The following CILK1 variants were observed in gnomAD, a reference collection of about 807,000 sequenced individuals.
The protein encoded by CILK1 is ciliogenesis associated kinase 1.
In CILK1, 47 loss-of-function variants were observed where a neutral mutation model predicts 79.2. That is an observed-to-expected ratio of 0.59 (90% CI 0.47 to 0.76). CILK1 has a LOEUF of 0.76. Ranked by LOEUF, CILK1 falls within the 30% of genes least tolerant of loss-of-function variation. CILK1 has a pLI of 0.00. For synonymous variants in CILK1, 266 were observed against 275.9 expected (o/e 0.96, Z 0.36); for missense variants, 660 against 769.5 (o/e 0.86, Z 1.68).
chr6:53,026,350 T>C (rs997591168), intron 5 of CILK1, among the ~76,000 whole-genome samples: 2 of 152,092 alleles, frequency 1.3e-5, no homozygotes, highest in East Asian at 3.9e-4. Flanking sequence ...GGTTTCGCCA[T>C]GTTGGTCAGG....
intron 8 of CILK1, 70 bp from the exon 9 acceptor site, chr6:53,014,052 CTA>C (rs2127411982): frequency 8.2e-7 from 1 of 1,222,968 alleles, no homozygotes; most frequent in East Asian, 2.4e-5. Context: ...GATTACTGGG[CTA>C]TATTTCATTG....
Position 53,019,405 on chromosome 6 carries a change from C to CCAAATGCAAA in CILK1, c.359-47_359-46insTTTGCATTTG, listed in dbSNP as rs781292103. On this transcript the variant is annotated intron_variant, in intron 5 of 13. Transcript: ENST00000676107. The stretch of plus-strand genomic sequence containing the variant: ...AAGAAATCCAAATGCAAGTTTGCTT[C>CCAAATGCAAA]GTATTATTCTTTGCAATTGTATTGC... The CCAAATGCAAA allele has an allele frequency of 1.9e-6, 3 of 1,607,918 alleles. No homozygotes were observed. In the African/African-American group the frequency reaches 4.0e-5, roughly 21 times the overall value.
intron 5 of CILK1, among the ~76,000 whole-genome samples, chr6:53,026,913 T>C (rs1348863586): frequency 6.6e-6 from 1 of 152,150 alleles, no homozygotes; most frequent in Non-Finnish European, 1.5e-5. Context: ...TGGCAGAAAA[T>C]GTGTGTGCTT....
chr6:53,029,112 G>T (rs1765762783), intron 5 of CILK1, among the ~76,000 whole-genome samples: 1 of 152,156 alleles, frequency 6.6e-6, no homozygotes, highest in Non-Finnish European at 1.5e-5. Context: ...CTACCACTCA[G>T]TTCCCAGTAC....
intron 1 of CILK1, among the ~76,000 whole-genome samples, chr6:53,044,055 T>G (rs1766893301): frequency 6.6e-6 from 1 of 152,154 alleles, no homozygotes; most frequent in South Asian, 2.1e-4. Context: ...GAGTTTTGTT[T>G]ATGGAGGAAC....
chr6:53,058,138 G>A (rs1304307794), intron 1 of CILK1, among the ~76,000 whole-genome samples: 1 of 152,208 alleles, frequency 6.6e-6, no homozygotes, highest in African/African-American at 2.4e-5. Context: ...TTCCTTGGAA[G>A]AAAATCAGGA....
intron 1 of CILK1, among the ~76,000 whole-genome samples, 167 bp downstream of exon 1, chr6:53,061,429 G>A (rs1233683096): frequency 2.0e-5 from 3 of 152,334 alleles, no homozygotes; most frequent in East Asian, 3.9e-4. Context: ...TACCAGGAAG[G>A]AGAGATCCAC....
chr6:53,014,377 A>G (rs1764771501), intron 8 of CILK1, among the ~76,000 whole-genome samples: 1 of 152,224 alleles, frequency 6.6e-6, no homozygotes, highest in African/African-American at 2.4e-5. Flanking sequence ...AGCCAAACAT[A>G]ATGATCCTGG....
chr6:53,016,281 T>G (rs781612674), intron 7 of CILK1, 31 bp from the exon 8 acceptor site: 23 of 1,612,098 alleles, frequency 1.4e-5, no homozygotes, highest in Non-Finnish European at 1.9e-5. Flanking sequence ...AAAATCTTGC[T>G]CAGCCAATTG....
chr6:53,043,770 G>T (rs1766870850), intron 1 of CILK1, among the ~76,000 whole-genome samples: 1 of 151,908 alleles, frequency 6.6e-6, no homozygotes, highest in African/African-American at 2.4e-5. Flanking sequence ...GGATGGGAGG[G>T]GGGAAGCAGA....
chr6:53,061,213 G>A (rs1185456566), intron 1 of CILK1, among the ~76,000 whole-genome samples: 1 of 152,252 alleles, frequency 6.6e-6, no homozygotes, highest in East Asian at 1.9e-4. Flanking sequence ...AGAACAGAAA[G>A]AAATCCAGTA....
intron 12 of CILK1, 119 bp from the exon 13 acceptor site, chr6:53,006,556 G>A: frequency 8.8e-7 from 1 of 1,132,422 alleles, no homozygotes; most frequent in Non-Finnish European, 1.3e-6. Flanking sequence ...AGGGAAAAGA[G>A]CAAATCATGA....
In CILK1 at chr6:53,012,246, TG is replaced by T; in HGVS notation, c.1153-20del. On this transcript the variant is annotated intron_variant, in intron 9 of 13. Coordinates refer to ENST00000676107, the MANE Select transcript of CILK1 (RefSeq NM_014920.5). ...TGATTTTCTGTGTAAACAAACGGGG[TG>T]GGGGAAAGCAATACTTGGCATTAAC... The T allele has an allele frequency of 1.2e-6, 2 of 1,612,692 alleles. No individual in the cohort carries two copies. The highest frequency in any genetic ancestry group is 1.7e-6 in the Non-Finnish European group (2 of 1,178,964).
intron 5 of CILK1, among the ~76,000 whole-genome samples, chr6:53,021,665 C>T (rs959394694): frequency 6.6e-6 from 1 of 151,918 alleles, no homozygotes; most frequent in Non-Finnish European, 1.5e-5. Flanking sequence ...CACTGCATAA[C>T]GAAGTTTCAA....
chr6:53,037,480 G>T (rs958193481), intron 3 of CILK1, among the ~76,000 whole-genome samples: 1 of 152,114 alleles, frequency 6.6e-6, no homozygotes, highest in Non-Finnish European at 1.5e-5. Flanking sequence ...TGTGTTCAGG[G>T]TTAGGCTGTG....
At chr6:53,040,547 C>T (rs544341110) in intron 2 of CILK1, among the ~76,000 whole-genome samples, 18 of 152,150 alleles carry the variant, frequency 1.2e-4, no homozygotes, top group African/African-American at 4.3e-4. Flanking sequence ...TGGATGAGAC[C>T]CCAGCTTTGG....
intron 5 of CILK1, among the ~76,000 whole-genome samples, chr6:53,028,679 G>T (rs1765734207): frequency 6.6e-6 from 1 of 152,172 alleles, no homozygotes; most frequent in Admixed American, 6.5e-5. Flanking sequence ...AAAAGCCAAG[G>T]TCCAACCTTC....
At position 53,001,428 on chromosome 6, in the gene CILK1, A is replaced by G. The variant is rs910945270; in HGVS notation, c.*3721T>C. ...TTTTTATTTCAGAAGGGTCTTGCTT[A>G]AGTGGTTTTCTGAATTCTTCTCGTT... On this transcript the variant is annotated 3_prime_UTR_variant, in exon 14 of 14. Transcript: ENST00000676107. 2 of 152,358 alleles carry G rather than the reference A, an allele frequency of 1.3e-5. No homozygotes were observed. The highest frequency in any genetic ancestry group is 4.8e-5 in the African/African-American group (2 of 41,464). 9.4% of individuals were successfully genotyped at this position (152,358 alleles called of 1,614,324 possible).
intron 1 of CILK1, among the ~76,000 whole-genome samples, chr6:53,048,072 A>T (rs899732666): frequency 6.6e-6 from 1 of 152,124 alleles, no homozygotes; most frequent in Non-Finnish European, 1.5e-5. Flanking sequence ...TACTCCATTC[A>T]CATAGAACAC....
Sources: gnomAD v4.1 joint callset for allele counts (sites outside exome capture counted in the v4.1 genomes callset) on GRCh38, gnomAD v4.1.1 for gene constraint, MANE v1.5 for transcripts, NCBI Gene and HGNC (gene_info 2026-07-23, HGNC 2026-07-21) for gene names.